TPRG1: variants seen among roughly 807,000 people sequenced by gnomAD.
TPRG1 encodes tumor protein p63 regulated 1.
Under a neutral mutation model 29.3 loss-of-function variants are expected in TPRG1, and 29 were observed. The ratio of observed to expected loss-of-function variants is 0.99; its 90% CI spans 0.74 to 1.35. The LOEUF is 1.35. Among genes scored for constraint, TPRG1 ranks in the 40% most tolerant of loss-of-function variants. TPRG1 has a pLI of 0.00. For synonymous variants in TPRG1, 130 were observed against 116.8 expected (o/e 1.11, Z -0.73); for missense variants, 327 against 335.0 (o/e 0.98, Z 0.19).
At chr3:189,231,781 T>C (rs1738694401) in intron 3 of TPRG1, among the ~76,000 whole-genome samples, 1 of 152,140 alleles carries the variant, frequency 6.6e-6, no homozygotes, top group African/African-American at 2.4e-5. Context: ...ATCAGGATTG[T>C]TGGTGAAGAT....
chr3:189,143,412 G>A (rs978666364), intron 3 of TPRG1, among the ~76,000 whole-genome samples: 3 of 152,178 alleles, frequency 2.0e-5, no homozygotes, highest in South Asian at 2.1e-4. Context: ...AAGTTAGGAG[G>A]AGAAGATGGT....
At chr3:189,056,887 C>T (rs1319710173) in intron 4 of TPRG1, among the ~76,000 whole-genome samples, 3 of 152,158 alleles carry the variant, frequency 2.0e-5, no homozygotes, top group Admixed American at 2.0e-4. Context: ...AGCCTCAGTA[C>T]TATGTCACGA....
chr3:189,100,752 G>T (rs929738695), intron 1 of TPRG1, among the ~76,000 whole-genome samples: 1 of 152,168 alleles, frequency 6.6e-6, no homozygotes, highest in Non-Finnish European at 1.5e-5. Context: ...ATGAGAGCTT[G>T]GATAGCCTTC....
chr3:189,020,914 C>T (rs1713264925), intron 3 of TPRG1, among the ~76,000 whole-genome samples: 1 of 83,682 alleles, frequency 1.2e-5, no homozygotes, highest in Non-Finnish European at 2.4e-5. Context: ...TCTGGGTGCT[C>T]CTGTATTGGG....
At chr3:189,124,092 A>G (rs1722147560) in intron 1 of TPRG1, among the ~76,000 whole-genome samples, 1 of 152,086 alleles carries the variant, frequency 6.6e-6, no homozygotes, top group Admixed American at 6.5e-5. Context: ...ACCTTCTTAA[A>G]GTTACTTATT....
intron 3 of TPRG1, chr3:189,219,914 T>C (rs1483543289): frequency 3.7e-6 from 1 of 272,668 alleles, no homozygotes; most frequent in Non-Finnish European, 5.6e-6. Context: ...GGCTTCGGTG[T>C]AATTAATATG....
At chr3:189,305,848 C>T (rs1044066425) in intron 4 of TPRG1, among the ~76,000 whole-genome samples, 1 of 152,176 alleles carries the variant, frequency 6.6e-6, no homozygotes, top group Non-Finnish European at 1.5e-5. Context: ...GGGACCCTTC[C>T]CCTGCCTCTG....
chr3:189,183,330 T>C (rs1730488868), intron 1 of TPRG1, among the ~76,000 whole-genome samples: 1 of 152,060 alleles, frequency 6.6e-6, no homozygotes, highest in South Asian at 2.1e-4. Flanking sequence ...TAGTAGAATA[T>C]CGCAAGGCAA....
rs1236809601 is a variant in TPRG1, at chr3:189,067,879, A to G, written c.-463+43933A>G. 2.6e-5 allele frequency among the ~76,000 whole-genome samples: 4 copies of G among 152,200 alleles called. No homozygotes were observed. The South Asian group carries it at 8.3e-4, about 32-fold the overall frequency. On this transcript the variant is annotated intron_variant, in intron 4 of 10. Transcript: ENST00000433971. Reference sequence around the variant, plus strand: ...AACAAAGGAAACAATCGACAAAAAGACAACCCACGGAACAGGAGAAAATAT... The same window carrying G: ...AACAAAGGAAACAATCGACAAAAAGGCAACCCACGGAACAGGAGAAAATAT...
At chr3:189,056,057 C>G (rs1018865119) in intron 4 of TPRG1, among the ~76,000 whole-genome samples, 3 of 128,076 alleles carry the variant, frequency 2.3e-5, no homozygotes, top group Admixed American at 1.6e-4. Flanking sequence ...TCCTTCCTTC[C>G]TTCCTTCCTT....
At chr3:189,269,312 G>A (rs1714684276) in intron 4 of TPRG1, among the ~76,000 whole-genome samples, 1 of 152,082 alleles carries the variant, frequency 6.6e-6, no homozygotes, top group African/African-American at 2.4e-5. Context: ...CTGTCTCCAT[G>A]ATTTTCTAAA....
chr3:189,031,040 C>T (rs1035317845), intron 4 of TPRG1, among the ~76,000 whole-genome samples: 7 of 152,152 alleles, frequency 4.6e-5, no homozygotes, highest in African/African-American at 1.7e-4. Flanking sequence ...AAGGCTGAGG[C>T]GGGTGGATTG....
At chr3:189,317,238 TAGAATTGTTGA>T (rs1329896043) in intron 5 of TPRG1, among the ~76,000 whole-genome samples, 1 of 152,178 alleles carries the variant, frequency 6.6e-6, no homozygotes, top group Non-Finnish European at 1.5e-5. Flanking sequence ...TTTGTTGCAA[TAGAATTGTTGA>T]GATGAATTAT....
At chr3:189,312,089 CTTTCTTTGTTTCTTTGTTTCTTTCTTTGT>C (rs1722603519) in intron 5 of TPRG1, among the ~76,000 whole-genome samples, 1 of 97,818 alleles carries the variant, frequency 1.0e-5, no homozygotes, top group African/African-American at 4.8e-5. Flanking sequence ...ATGTTTCTTT[CTTTCTTTGTTTCTTTGTTTCTTTCTTTGT>C]TTCTTTCTTT....
chr3:189,296,789 A>G (rs1720000428), intron 4 of TPRG1, among the ~76,000 whole-genome samples: 1 of 152,224 alleles, frequency 6.6e-6, no homozygotes, highest in Non-Finnish European at 1.5e-5. Context: ...CAGGGAGATT[A>G]TATGATAAAA....
At chr3:189,023,318 G>A (rs1252590576) in intron 3 of TPRG1, among the ~76,000 whole-genome samples, 1 of 152,206 alleles carries the variant, frequency 6.6e-6, no homozygotes, top group African/African-American at 2.4e-5. Flanking sequence ...GCATGGTGAA[G>A]TTCTTGTACT....
rs1724389057 is a variant in TPRG1 at position 189,322,284 on chromosome 3, A to T, written c.*1464A>T. On this transcript the variant is annotated 3_prime_UTR_variant, in exon 6 of 6. Transcript: ENST00000345063. ...CTCAATTTCAAAGATTTGTCCTCTGATATATTTATAAACATCAATTTAATG... is the reference window on the plus strand; with the variant it reads ...CTCAATTTCAAAGATTTGTCCTCTGTTATATTTATAAACATCAATTTAATG... 1 of 152,270 alleles carries T rather than the reference A, an allele frequency of 6.6e-6. No homozygotes were observed. Among genetic ancestry groups the T allele is most frequent in the South Asian group, 2.1e-4 (1 of 4,820 alleles). The allele number at this position is 152,270 out of a possible 1,614,324, so 9.4% of individuals were successfully genotyped here.
At chr3:189,162,051 C>A (rs555205717) in intron 5 of TPRG1, among the ~76,000 whole-genome samples, 1 of 151,972 alleles carries the variant, frequency 6.6e-6, no homozygotes, top group Non-Finnish European at 1.5e-5. Flanking sequence ...GGAGTGCAGT[C>A]GTGTGATCTT....
intron 3 of TPRG1, among the ~76,000 whole-genome samples, chr3:189,138,600 A>G (rs1419893787): frequency 2.0e-5 from 3 of 152,166 alleles, no homozygotes; most frequent in Non-Finnish European, 2.9e-5. Context: ...TCAGGCACGC[A>G]TAGGAAGTTT....
Sources: allele counts gnomAD v4.1 joint callset (sites outside exome capture counted in the v4.1 genomes callset), GRCh38; gene constraint gnomAD v4.1.1; transcripts MANE v1.5; gene names NCBI Gene and HGNC (gene_info 2026-07-23, HGNC 2026-07-21).